The following OPHN1 variants were observed in gnomAD, a reference collection of about 807,000 sequenced individuals.
OPHN1 encodes the protein oligophrenin-1.
OPHN1 carries 11 observed loss-of-function variants against 60.7 expected under a neutral mutation model. The observed-to-expected ratio is 0.18, with a 90% CI of 0.11 to 0.30. The LOEUF (loss-of-function observed/expected upper bound fraction) is 0.30, where lower values mean the gene tolerates loss of function less well. OPHN1 is among the 10% of genes least tolerant of loss of function. The pLI is 1.00. For missense variants in OPHN1, 449 were observed against 611.0 expected (o/e 0.73, Z 2.80); for synonymous variants, 226 against 222.6 (o/e 1.02, Z -0.14).
intron 19 of OPHN1, among the ~76,000 whole-genome samples, chrX:68,075,207 A>G (rs937176143): frequency 5.3e-5 from 6 of 112,383 alleles, no homozygotes; most frequent in Admixed American, 4.7e-4. Flanking sequence ...GGGGAACCCA[A>G]GTGGAACCCA....
At chrX:68,346,815 C>G (rs2078381476) in intron 2 of OPHN1, among the ~76,000 whole-genome samples, 1 of 111,727 alleles carries the variant, frequency 9.0e-6, no homozygotes, top group Non-Finnish European at 1.9e-5. Flanking sequence ...CACGGGGAAC[C>G]CACAGCCCCC....
chrX:68,195,163 C>T (rs914298418), intron 12 of OPHN1, among the ~76,000 whole-genome samples: 29 of 111,441 alleles, frequency 2.6e-4, no homozygotes, highest in African/African-American at 8.8e-4. Flanking sequence ...TAGATATTTA[C>T]TTATGTAACA....
At chrX:68,208,422 C>T (rs1413205858) in intron 9 of OPHN1, among the ~76,000 whole-genome samples, 1 of 111,903 alleles carries the variant, frequency 8.9e-6, no homozygotes, top group Non-Finnish European at 1.9e-5. Context: ...CAAACTCCCA[C>T]TCATCATTCA....
At chrX:68,345,059 CT>C (rs2078372761) in intron 2 of OPHN1, among the ~76,000 whole-genome samples, 1 of 112,259 alleles carries the variant, frequency 8.9e-6, no homozygotes, top group African/African-American at 3.2e-5. Context: ...GCTAAATTTA[CT>C]ACATAAGTTT....
chrX:68,378,754 G>A (rs977021440), intron 2 of OPHN1, among the ~76,000 whole-genome samples: 29 of 111,015 alleles, frequency 2.6e-4, no homozygotes, highest in African/African-American at 4.3e-4. Context: ...GATATGTGGC[G>A]TTATTTCTGA....
chrX:68,168,138 C>A (rs146065828), intron 15 of OPHN1, among the ~76,000 whole-genome samples: 7 of 110,803 alleles, frequency 6.3e-5, no homozygotes, highest in African/African-American at 2.3e-4. Context: ...GAACTCAGCT[C>A]TGCACCAAAC....
chrX:68,219,888 A>G lies in OPHN1; in HGVS notation c.487-5916T>C, dbSNP rs1439688971. Among the ~76,000 whole-genome samples the G allele has an allele frequency of 3.2e-5, 3 of 95,158 alleles. No individual in the cohort carries two copies. In the Admixed American group the frequency reaches 3.6e-4, roughly 11 times the overall value. The allele number at this position is 95,158 out of a possible 115,157, so 82.6% of individuals were successfully genotyped here. On this transcript the variant is annotated intron_variant, in intron 6 of 24. Coordinates refer to ENST00000355520, the MANE Select transcript of OPHN1 (RefSeq NM_002547.3). Reference sequence around the variant, plus strand: ...TAAAAGAAATAGAAAAGTAAGAGCAAACACATTCAAAAGCTAGCAGAAGGC... The same window carrying G: ...TAAAAGAAATAGAAAAGTAAGAGCAGACACATTCAAAAGCTAGCAGAAGGC...
chrX:68,129,532 G>A (rs1281538518), intron 15 of OPHN1, among the ~76,000 whole-genome samples: 1 of 112,057 alleles, frequency 8.9e-6, no homozygotes, highest in Non-Finnish European at 1.9e-5. Flanking sequence ...CATGTAATGT[G>A]ATGAATAATA....
chrX:68,376,928 ATC>A (rs1468533263), intron 2 of OPHN1, among the ~76,000 whole-genome samples: 1 of 89,950 alleles, frequency 1.1e-5, no homozygotes, highest in East Asian at 3.1e-4. Flanking sequence ...ATCTCAAGTA[ATC>A]TTTTTTTTTT....
At chrX:68,216,285 T>C (rs1172095441) in intron 6 of OPHN1, among the ~76,000 whole-genome samples, 1 of 111,182 alleles carries the variant, frequency 9.0e-6, no homozygotes, top group Non-Finnish European at 1.9e-5. Flanking sequence ...ATATAAAATA[T>C]TCTCTTAAAA....
chrX:68,109,174 A>C (rs1224635803), intron 18 of OPHN1, among the ~76,000 whole-genome samples: 1 of 110,791 alleles, frequency 9.0e-6, no homozygotes, highest in Non-Finnish European at 1.9e-5. Context: ...ATTACTTCTC[A>C]TACCCCCACT....
At chrX:68,071,479 T>C in intron 20 of OPHN1, 1 of 886,366 alleles carries the variant, frequency 1.1e-6, no homozygotes, top group South Asian at 2.0e-5. Context: ...TACACAGTCT[T>C]TCAAGAACAG....
At chrX:68,182,955 C>A (rs1306497424) in intron 15 of OPHN1, among the ~76,000 whole-genome samples, 1 of 111,744 alleles carries the variant, frequency 8.9e-6, no homozygotes, top group African/African-American at 3.3e-5. Context: ...GCCCAAGAAG[C>A]TCTGCCACCC....
chrX:68,253,970 G>T (rs890525829), intron 5 of OPHN1, among the ~76,000 whole-genome samples: 2 of 111,919 alleles, frequency 1.8e-5, no homozygotes, highest in African/African-American at 3.2e-5. Context: ...CTGCGTCTAG[G>T]GGGTAACGGC....
At chrX:68,188,779 ATTTG>A (rs2077474526) in intron 15 of OPHN1, among the ~76,000 whole-genome samples, 1 of 111,755 alleles carries the variant, frequency 8.9e-6, no homozygotes, top group African/African-American at 3.2e-5. Flanking sequence ...TTTATTATCT[ATTTG>A]TCCGAATATA....
At chrX:68,234,654 A>G in intron 5 of OPHN1, 66 bp from the exon 6 acceptor site, 1 of 841,168 alleles carries the variant, frequency 1.2e-6, no homozygotes, top group Non-Finnish European at 1.8e-6. Context: ...CTTAGAAAGG[A>G]GAATGAAGGA....
chrX:68,152,529 AC>A (rs1167295712), intron 15 of OPHN1, among the ~76,000 whole-genome samples: 3 of 106,610 alleles, frequency 2.8e-5, no homozygotes, highest in Non-Finnish European at 5.8e-5. Context: ...TGCAGCCTCG[AC>A]CTCCCCAGGC....
intron 21 of OPHN1, among the ~76,000 whole-genome samples, chrX:68,063,298 A>G (rs2076900148): frequency 9.0e-6 from 1 of 111,454 alleles, no homozygotes; most frequent in Non-Finnish European, 1.9e-5. Flanking sequence ...AGGCAGGTGG[A>G]TCACCTGAGG....
chrX:68,223,072 C>G (rs1045649081), intron 6 of OPHN1, among the ~76,000 whole-genome samples: 1 of 111,694 alleles, frequency 9.0e-6, no homozygotes, highest in African/African-American at 3.2e-5. Flanking sequence ...AAAGGGAATG[C>G]TTATTCACTT....
Sources: gnomAD v4.1 joint callset for allele counts (sites outside exome capture counted in the v4.1 genomes callset) on GRCh38, gnomAD v4.1.1 for gene constraint, MANE v1.5 for transcripts, NCBI Gene and HGNC (gene_info 2026-07-23, HGNC 2026-07-21) for gene names.